The following IFNLR1 variants were observed in gnomAD, a reference collection of about 807,000 sequenced individuals.
IFNLR1 encodes the protein interferon lambda receptor 1, also known as CRF2-12.
Under a neutral mutation model 52.5 loss-of-function variants are expected in IFNLR1, and 28 were observed. The observed-to-expected ratio is 0.53, with a 90% CI of 0.40 to 0.73. The LOEUF is 0.73. Ranked by LOEUF, IFNLR1 falls within the 30% of genes least tolerant of loss-of-function variation. The pLI is 0.00. For synonymous variants in IFNLR1, 276 were observed against 274.9 expected, an observed-to-expected ratio of 1.00 and a Z score of -0.04; for missense variants, 623 against 659.1, an observed-to-expected ratio of 0.95 and a Z score of 0.60.
At chr1:24,158,971 T>C in intron 6 of IFNLR1, 81 bp downstream of exon 6, 2 of 1,410,032 alleles carry the variant, frequency 1.4e-6, no homozygotes, top group Admixed American at 4.1e-5. Flanking sequence ...TGATATTCTA[T>C]CTGAACAACT....
At chr1:24,160,801 T>C (rs1364996609) in intron 4 of IFNLR1, among the ~76,000 whole-genome samples, 1 of 152,092 alleles carries the variant, frequency 6.6e-6, no homozygotes, top group Non-Finnish European at 1.5e-5. Context: ...CGATCATGGC[T>C]CACTGTGGCC....
intron 3 of IFNLR1, among the ~76,000 whole-genome samples, chr1:24,163,917 C>T (rs901956919): frequency 2.0e-5 from 3 of 152,060 alleles, no homozygotes; most frequent in Non-Finnish European, 4.4e-5. Context: ...TCACTCCATC[C>T]CAATGTCCCC....
intron 3 of IFNLR1, among the ~76,000 whole-genome samples, chr1:24,167,210 G>A (rs560627795): frequency 1.8e-4 from 27 of 152,190 alleles, no homozygotes; most frequent in Non-Finnish European, 2.9e-4. Context: ...TCTGATTGTT[G>A]GGCCTGTGGC....
chr1:24,175,970 G>A (rs1301366244), intron 2 of IFNLR1, among the ~76,000 whole-genome samples: 1 of 151,908 alleles, frequency 6.6e-6, no homozygotes, highest in Non-Finnish European at 1.5e-5. Flanking sequence ...GGGGCTGTTG[G>A]GAGGGGGTGA....
intron 2 of IFNLR1, among the ~76,000 whole-genome samples, chr1:24,173,855 G>A (rs1644606077): frequency 6.6e-6 from 1 of 152,122 alleles, no homozygotes; most frequent in Non-Finnish European, 1.5e-5. Flanking sequence ...TCACTATGTT[G>A]CCCAGGCTGA....
chr1:24,186,597 G>A (rs560443307), intron 1 of IFNLR1, among the ~76,000 whole-genome samples: 131 of 152,216 alleles, frequency 8.6e-4, no homozygotes, highest in Non-Finnish European at 1.4e-3. Flanking sequence ...GGGCGGTGAG[G>A]TTTGGTGGTT....
chr1:24,166,207 T>TCCATCCA (rs1557646026), intron 3 of IFNLR1, among the ~76,000 whole-genome samples: 1 of 146,158 alleles, frequency 6.8e-6, no homozygotes, highest in African/African-American at 2.8e-5. Flanking sequence ...CCATCCATCC[T>TCCATCCA]TCCTTCCTTC....
Position 24,157,850 on chromosome 1 carries a change from G to A in IFNLR1, c.843C>T (p.Pro281=), listed in dbSNP as rs749709626. The stretch of plus-strand genomic sequence containing the variant: ...AGTCATTCACGGACTCTGGTCTGCT[G>A]GGCTGAAAGGTTGCCACAGGGTGTG... ...GHTHPVATFQ[P]SRPESVNDLF... Residue 281 remains proline (P), a synonymous_variant, in exon 7 of 7, where the codon CCC becomes CCT. Coordinates refer to ENST00000327535, the MANE Select transcript of IFNLR1 (RefSeq NM_170743.4). This position sits in a 1 kb window ranked among gnomAD's most constrained non-coding sequence, Gnocchi z 5.1. 5.5e-5 allele frequency: 88 copies of A among 1,609,574 alleles called. 2 individuals are homozygous for A. In the Admixed American group the frequency reaches 1.5e-3, roughly 27 times the overall value.
chr1:24,157,210 C>T lies in IFNLR1; in HGVS notation c.1483G>A (p.Asp495Asn), dbSNP rs1017877931. ...CTCTCAGCCCCCCAGCTGCCCGCATCGCTGTCCTCAATTTCTGATTCCCTC... is the reference window on the plus strand; with the variant it reads ...CTCTCAGCCCCCCAGCTGCCCGCATTGCTGTCCTCAATTTCTGATTCCCTC... Reference protein sequence around the residue: ...EARESEIEDSDAGSWGAESTQ... With the variant: ...EARESEIEDSNAGSWGAESTQ... The change falls in exon 7 of 7, where the codon GAT (aspartate) becomes AAT (asparagine). Residue 495 changes from aspartate (D) to asparagine (N), a missense_variant. By Grantham distance (23) the Asp-to-Asn change is conservative (BLOSUM62 1). Coordinates refer to ENST00000327535, the MANE Select transcript of IFNLR1 (RefSeq NM_170743.4). This position sits in a 1 kb window ranked among gnomAD's most constrained non-coding sequence, Gnocchi z 5.1. 1.2e-5 allele frequency: 19 copies of T among 1,614,066 alleles called. No individual in the cohort carries two copies. The highest frequency in any genetic ancestry group is 2.7e-5 in the African/African-American group (2 of 74,930).
chr1:24,164,938 T>G (rs747898824), intron 3 of IFNLR1, among the ~76,000 whole-genome samples: 1 of 152,118 alleles, frequency 6.6e-6, no homozygotes, highest in Non-Finnish European at 1.5e-5. Context: ...AATTTTTGTA[T>G]TTTTAGTAGA....
At position 24,187,203 on chromosome 1, in the gene IFNLR1, G is replaced by T; in HGVS notation, c.46C>A (p.Gln16Lys). 7.5e-7 allele frequency: 1 copy of T among 1,339,752 alleles called. No homozygotes were observed. The highest frequency in any genetic ancestry group is 9.6e-7 in the Non-Finnish European group (1 of 1,046,064). 83.0% of individuals were successfully genotyped at this position (1,339,752 alleles called of 1,614,324 possible). A position where few individuals can be genotyped will look rare whatever the true frequency, so the allele number is the denominator to read the frequency against. Residue 16 changes from glutamine (Q) to lysine (K), a missense_variant, in exon 1 of 7, where the codon CAG (glutamine) becomes AAG (lysine). By Grantham distance (53) the Gln-to-Lys change is moderately conservative. Coordinates refer to ENST00000327535, the MANE Select transcript of IFNLR1 (RefSeq NM_170743.4). ...CCCGCGCCCTTACCTGGAGCGGCCTGCAGCAGGCACAGGAGCAGGGGGCCC... is the reference window on the plus strand; with the variant it reads ...CCCGCGCCCTTACCTGGAGCGGCCTTCAGCAGGCACAGGAGCAGGGGGCCC... ...RWGPLLLCLL[Q>K]AAPGRPRLAP...
intron 1 of IFNLR1, among the ~76,000 whole-genome samples, chr1:24,183,133 A>T (rs1167836192): frequency 6.6e-6 from 1 of 152,192 alleles, no homozygotes; most frequent in Non-Finnish European, 1.5e-5. Flanking sequence ...ACACTGTCAT[A>T]ATCAGTTATA....
At position 24,154,967 on chromosome 1, in the gene IFNLR1, T is replaced by C. The variant is rs189878589; in HGVS notation, c.*2163A>G. Reference sequence around the variant, plus strand: ...GAATAGAAACGGAGTGGTTATTTCATACAAGTCTAAGATGATGCTGATGAT... The same window carrying C: ...GAATAGAAACGGAGTGGTTATTTCACACAAGTCTAAGATGATGCTGATGAT... On this transcript the variant is annotated 3_prime_UTR_variant, in exon 7 of 7. Coordinates refer to ENST00000327535, the MANE Select transcript of IFNLR1 (RefSeq NM_170743.4). 6.6e-6 allele frequency: 1 copy of C among 152,346 alleles called. No individual in the cohort carries two copies. The highest frequency in any genetic ancestry group is 1.9e-4 in the East Asian group (1 of 5,180). The allele number at this position is 152,346 out of a possible 1,614,324, so 9.4% of individuals were successfully genotyped here.
At position 24,171,537 on chromosome 1, in the gene IFNLR1, G is replaced by A. The variant is rs553843445; in HGVS notation, c.183-1936C>T. Among the ~76,000 whole-genome samples, 375 of 152,318 alleles carry A rather than the reference G, an allele frequency of 2.5e-3. 2 individuals carry two copies. The highest frequency in any genetic ancestry group is 4.6e-3 in the Non-Finnish European group (312 of 68,010). On this transcript the variant is annotated intron_variant, in intron 2 of 6. Transcript: ENST00000327535. ...AGCGTCTTGCTCTGTTGCACAGGCT[G>A]GAGTGCAGTGGCACAAACATAGCTC...
At position 24,180,747 on chromosome 1, in the gene IFNLR1, A is replaced by G. The variant is rs1233589716; in HGVS notation, c.166T>C (p.Phe56Leu). The G allele has an allele frequency of 1.2e-6, 2 of 1,612,774 alleles. No individual in the cohort carries two copies. The highest frequency in any genetic ancestry group is 1.7e-6 in the Non-Finnish European group (2 of 1,179,456). Residue 56 changes from phenylalanine (F) to leucine (L), a missense_variant, in exon 2 of 7, where the codon TTT becomes CTT. By Grantham distance (22) the Phe-to-Leu change is conservative. Transcript: ENST00000327535. ...CCCCTCTACCTCTGATAGGCCACAA[A>G]ATAGGTCACATCCTGGGGGTTGCCA... is the stretch of plus-strand genomic sequence containing the variant. ...GLGNPQDVTY[F>L]VAYQSSPTRR...
chr1:24,163,997 G>A (rs1644493490), intron 3 of IFNLR1, among the ~76,000 whole-genome samples: 1 of 152,088 alleles, frequency 6.6e-6, no homozygotes. Flanking sequence ...GAGTCAAATA[G>A]ACTCTGGGCA....
At chr1:24,178,139 G>A (rs748481202) in intron 2 of IFNLR1, among the ~76,000 whole-genome samples, 6 of 152,080 alleles carry the variant, frequency 3.9e-5, no homozygotes, top group Non-Finnish European at 8.8e-5. Flanking sequence ...ACAAAAATTA[G>A]CCGGGTATGG....
At chr1:24,187,036 G>A (rs995472059) in intron 1 of IFNLR1, among the ~76,000 whole-genome samples, 155 bp downstream of exon 1, 1 of 152,240 alleles carries the variant, frequency 6.6e-6, no homozygotes, top group African/African-American at 2.4e-5. Context: ...GTCCTGGGAA[G>A]AAGCAAACTG....
In IFNLR1 at chr1:24,155,742, C is replaced by G. The variant is rs977141216; in HGVS notation, c.*1388G>C. The G allele has an allele frequency of 5.9e-5, 9 of 152,236 alleles. No individual in the cohort carries two copies. Among genetic ancestry groups the G allele is most frequent in the African/African-American group, 2.2e-4 (9 of 41,454 alleles). 9.4% of individuals were successfully genotyped at this position (152,236 alleles called of 1,614,324 possible). ...TCAATGGCTTTGAAGATCCCTTCTT[C>G]ACAAATCCAGAAATGTTAGTCCTGG... On this transcript the variant is annotated 3_prime_UTR_variant, in exon 7 of 7. Transcript: ENST00000327535.
Sources: allele counts gnomAD v4.1 joint callset (sites outside exome capture counted in the v4.1 genomes callset), GRCh38; gene constraint gnomAD v4.1.1; non-coding constraint Gnocchi (gnomAD v3.1); transcripts MANE v1.5; gene names NCBI Gene and HGNC (gene_info 2026-07-23, HGNC 2026-07-21).